Variants in SORCS2 observed in about 807,000 individuals in gnomAD.
SORCS2 encodes sortilin related VPS10 domain containing receptor 2, also known as VPS10 domain-containing receptor SorCS2.
A neutral mutation model predicts 141.6 loss-of-function variants in SORCS2; 100 were observed. The ratio of observed to expected loss-of-function variants is 0.71; its 90% CI spans 0.60 to 0.83. The LOEUF (loss-of-function observed/expected upper bound fraction) is 0.83, where lower values mean the gene tolerates loss of function less well. SORCS2 is among the 40% of genes least tolerant of loss of function. SORCS2 has a pLI of 0.00. For synonymous variants in SORCS2, 789 were observed against 676.9 expected (o/e 1.17, Z -2.57); for missense variants, 1,646 against 1,560.2 (o/e 1.05, Z -0.93).
intron 1 of SORCS2, among the ~76,000 whole-genome samples, chr4:7,238,293 G>C (rs4689095): frequency 2.6e-5 from 4 of 152,038 alleles, no homozygotes; most frequent in South Asian, 4.1e-4. Flanking sequence ...GGGAGTCTGG[G>C]GGGGGTTGCT....
intron 1 of SORCS2, among the ~76,000 whole-genome samples, chr4:7,248,735 A>G (rs532112977): frequency 9.8e-5 from 15 of 152,348 alleles, no homozygotes; most frequent in African/African-American, 3.1e-4. Context: ...TTGAAGCCCA[A>G]TGCTTTAATC....
At chr4:7,346,305 T>A (rs1388726388) in intron 1 of SORCS2, among the ~76,000 whole-genome samples, 1 of 152,264 alleles carries the variant, frequency 6.6e-6, no homozygotes, top group Non-Finnish European at 1.5e-5. Context: ...CATGGATTAT[T>A]TGGAAATCTT....
intron 1 of SORCS2, among the ~76,000 whole-genome samples, chr4:7,323,953 T>G (rs891309028): frequency 2.0e-5 from 3 of 152,162 alleles, no homozygotes; most frequent in Non-Finnish European, 2.9e-5. Context: ...GACTAACATT[T>G]GCAGAGACCC....
chr4:7,739,559 G>A (rs1712478725), intron 26 of SORCS2, among the ~76,000 whole-genome samples: 3 of 152,224 alleles, frequency 2.0e-5, no homozygotes, highest in African/African-American at 7.2e-5. Flanking sequence ...GAGGGGTGCG[G>A]TTGACCCTCA....
intron 1 of SORCS2, among the ~76,000 whole-genome samples, chr4:7,299,554 C>T (rs937802279): frequency 1.2e-4 from 18 of 152,218 alleles, no homozygotes; most frequent in Non-Finnish European, 2.1e-4. Context: ...GAAGCGAGAG[C>T]ATGTTAGATC....
chr4:7,249,417 C>A lies in SORCS2; in HGVS notation c.480+56291C>A, dbSNP rs144954677. Among the ~76,000 whole-genome samples the A allele has an allele frequency of 2.0e-3, 299 of 152,328 alleles. 1 individual carries two copies. The highest frequency in any genetic ancestry group is 3.9e-3 in the Non-Finnish European group (264 of 68,034). On this transcript the variant is annotated intron_variant, in intron 1 of 26. Coordinates refer to ENST00000507866, the MANE Select transcript of SORCS2 (RefSeq NM_020777.3). ...TATGTCTTAAGGCTGAAACCAGAAG[C>A]TGGCACAGTGTCCCTTCAGCTGTCT...
chr4:7,353,481 G>C (rs1300462999), intron 1 of SORCS2, among the ~76,000 whole-genome samples: 1 of 152,216 alleles, frequency 6.6e-6, no homozygotes, highest in Non-Finnish European at 1.5e-5. Flanking sequence ...TGCAGGGCCT[G>C]GTGGTGGGGC....
Position 7,661,526 on chromosome 4 carries a change from C to T in SORCS2, c.914C>T (p.Pro305Leu). Residue 305 changes from proline to leucine, a missense_variant, in exon 6 of 27, where the codon CCT (proline) becomes CTT (leucine). Coordinates refer to ENST00000507866, the MANE Select transcript of SORCS2 (RefSeq NM_020777.3). ...TCTGTGTCTGGGGTGGACGCTGACC[C>T]TGACTTGGTCCACGTGGAAGCCCAA... ...FWSVSGVDAD[P>L]DLVHVEAQDL... 6.4e-7 allele frequency: 1 copy of T among 1,551,874 alleles called. No homozygotes were observed. The highest frequency in any genetic ancestry group is 8.7e-7 in the Non-Finnish European group (1 of 1,147,102).
intron 3 of SORCS2, among the ~76,000 whole-genome samples, chr4:7,569,993 G>T (rs1715279211): frequency 6.6e-6 from 1 of 152,142 alleles, no homozygotes; most frequent in African/African-American, 2.4e-5. Context: ...CAGCTCTCCT[G>T]GGCAGGGGAC....
chr4:7,216,707 T>C (rs1728373156), intron 1 of SORCS2, among the ~76,000 whole-genome samples: 1 of 152,134 alleles, frequency 6.6e-6, no homozygotes, highest in African/African-American at 2.4e-5. Flanking sequence ...CTAATGACTT[T>C]AGGGCCACCA....
chr4:7,330,680 T>G (rs1042808364), intron 1 of SORCS2, among the ~76,000 whole-genome samples: 3 of 152,004 alleles, frequency 2.0e-5, no homozygotes, highest in African/African-American at 7.2e-5. Flanking sequence ...CAGTGCAACT[T>G]ACATCCATGC....
At chr4:7,250,561 G>T (rs1577321880) in intron 1 of SORCS2, among the ~76,000 whole-genome samples, 1 of 152,188 alleles carries the variant, frequency 6.6e-6, no homozygotes, top group South Asian at 2.1e-4. Flanking sequence ...GAATAACTAC[G>T]TTCCCAGCGT....
At chr4:7,199,427 T>C (rs1235257563) in intron 1 of SORCS2, among the ~76,000 whole-genome samples, 2 of 151,992 alleles carry the variant, frequency 1.3e-5, no homozygotes, top group East Asian at 3.9e-4. Context: ...GAGGTGTGGC[T>C]GAGGGGAGCA....
rs372223185 is a variant in SORCS2 at position 7,704,296 on chromosome 4, G to T, written c.1868+12G>T. 1 of 1,600,660 alleles carries T rather than the reference G, an allele frequency of 6.2e-7. No individual in the cohort carries two copies. On this transcript the variant is annotated intron_variant, in intron 14 of 26. Coordinates refer to ENST00000507866, the MANE Select transcript of SORCS2 (RefSeq NM_020777.3). ...ACGCTGGTCATGACGTGAGTGCGGG[G>T]ACCGGGGAGTGGGCACTGGTGGCAG...
intron 2 of SORCS2, among the ~76,000 whole-genome samples, chr4:7,437,616 G>C (rs1424220191): frequency 6.6e-6 from 1 of 152,206 alleles, no homozygotes; most frequent in African/African-American, 2.4e-5. Context: ...CTCAGGTGTG[G>C]TCAGAGGGGG....
chr4:7,651,195 T>A (rs887035950), intron 4 of SORCS2, among the ~76,000 whole-genome samples: 3 of 152,194 alleles, frequency 2.0e-5, no homozygotes, highest in African/African-American at 7.2e-5. Flanking sequence ...TCTCCTGTTG[T>A]CCAGGATGGG....
intron 3 of SORCS2, among the ~76,000 whole-genome samples, chr4:7,628,678 G>C (rs927836055): frequency 6.6e-6 from 1 of 152,008 alleles, no homozygotes; most frequent in Non-Finnish European, 1.5e-5. Context: ...GCCTCGTGCG[G>C]GATCGGCCAG....
intron 2 of SORCS2, among the ~76,000 whole-genome samples, chr4:7,513,211 C>T (rs1377673528): frequency 4.6e-5 from 7 of 152,186 alleles, no homozygotes; most frequent in South Asian, 4.1e-4. Context: ...TGTGAGAGAG[C>T]GCTACAGAAA....
At chr4:7,303,850 G>A (rs527602872) in intron 1 of SORCS2, among the ~76,000 whole-genome samples, 1 of 152,378 alleles carries the variant, frequency 6.6e-6, no homozygotes, top group Middle Eastern at 3.4e-3. Context: ...GCAGGAGAGA[G>A]CGATGTTCCC....
Sources: allele counts gnomAD v4.1 joint callset (sites outside exome capture counted in the v4.1 genomes callset), GRCh38; gene constraint gnomAD v4.1.1; transcripts MANE v1.5; gene names NCBI Gene and HGNC (gene_info 2026-07-23, HGNC 2026-07-21).